IQCM: variants seen among roughly 807,000 people sequenced by gnomAD.
The protein encoded by IQCM is IQ domain-containing protein M.
In IQCM, 45 loss-of-function variants were observed where a neutral mutation model predicts 57.6. That is an observed-to-expected ratio of 0.78 (90% CI 0.62 to 1.00). IQCM has a LOEUF of 1.00. Ranked by LOEUF, IQCM falls within the 50% of genes least tolerant of loss-of-function variation. The pLI, the probability that IQCM is intolerant of heterozygous loss-of-function variation, is 0.00. For missense variants in IQCM, 468 were observed against 511.6 expected (o/e 0.91, Z 0.82); for synonymous variants, 148 against 158.9 (o/e 0.93, Z 0.51).
intron 13 of IQCM, among the ~76,000 whole-genome samples, chr4:149,378,617 A>G (rs1560787235): frequency 6.6e-6 from 1 of 152,178 alleles, no homozygotes; most frequent in Non-Finnish European, 1.5e-5. Flanking sequence ...GATATTTCTA[A>G]GCAACAAAGC....
intron 9 of IQCM, among the ~76,000 whole-genome samples, chr4:149,567,626 C>T (rs368311346): frequency 7.2e-5 from 11 of 152,020 alleles, no homozygotes; most frequent in African/African-American, 2.2e-4. Context: ...GGATTATAGG[C>T]ATGAGCCACG....
chr4:149,449,165 A>G (rs1258142965), intron 12 of IQCM, among the ~76,000 whole-genome samples: 4 of 149,384 alleles, frequency 2.7e-5, no homozygotes, highest in African/African-American at 9.8e-5. Context: ...GGCTCCACCA[A>G]CTGTTCCCCC....
chr4:149,368,796 A>G (rs1482042194), intron 13 of IQCM, among the ~76,000 whole-genome samples: 30 of 106,388 alleles, frequency 2.8e-4, no homozygotes, highest in South Asian at 5.3e-4. Flanking sequence ...ATATATATAC[A>G]TATATATACA....
intron 7 of IQCM, among the ~76,000 whole-genome samples, chr4:149,650,980 G>A (rs1759122305): frequency 6.6e-6 from 1 of 151,968 alleles, no homozygotes; most frequent in African/African-American, 2.4e-5. Flanking sequence ...TTTCTTCTTG[G>A]AAATAATCCA....
chr4:149,645,724 T>C lies in IQCM; in HGVS notation c.566-24480A>G, dbSNP rs148969016. 5.7e-3 allele frequency among the ~76,000 whole-genome samples: 650 copies of C among 114,886 alleles called. 2 individuals are homozygous for C. The highest frequency in any genetic ancestry group is 9.4e-3 in the Admixed American group (111 of 11,808). The allele number at this position is 114,886 out of a possible 152,430, so 75.4% of individuals were successfully genotyped here. A position where few individuals can be genotyped will look rare whatever the true frequency, so the allele number is the denominator to read the frequency against. ...GGGTGTAGATCCCTTGGCAAACTCATAGCCCCAGACTGACCTGGAGATTAC... is the reference window on the plus strand; with the variant it reads ...GGGTGTAGATCCCTTGGCAAACTCACAGCCCCAGACTGACCTGGAGATTAC... On this transcript the variant is annotated intron_variant, in intron 7 of 13. Coordinates refer to ENST00000636793, the MANE Select transcript of IQCM (RefSeq NM_001363507.2).
intron 2 of IQCM, among the ~76,000 whole-genome samples, chr4:149,781,783 T>G (rs1164170760): frequency 6.6e-6 from 1 of 152,144 alleles, no homozygotes; most frequent in Non-Finnish European, 1.5e-5. Flanking sequence ...GTAAGAATAT[T>G]CTATGCTTGA....
chr4:149,621,074 T>A, intron 8 of IQCM, 55 bp downstream of exon 8: 2 of 814,354 alleles, frequency 2.5e-6, no homozygotes, highest in Non-Finnish European at 3.3e-6. Flanking sequence ...ATTAATGCAA[T>A]AATTTACTGG....
chr4:149,733,383 G>T lies in IQCM; in HGVS notation c.246C>A (p.Ala82=), dbSNP rs17026378. 1.8e-3 allele frequency: 2,218 copies of T among 1,231,708 alleles called. 21 individuals are homozygous for T. The African/African-American group carries it at 0.03, about 17-fold the overall frequency. The allele number at this position is 1,231,708 out of a possible 1,614,324, so 76.3% of individuals were successfully genotyped here. ...VTRDVVQEHR[A]ALRRICFPKE... ...TGGGAAAGCAAATCCTTCTGAGTGCGGCCCGATGTTCTTGCACCACATCAC... is the reference window on the plus strand; with the variant it reads ...TGGGAAAGCAAATCCTTCTGAGTGCTGCCCGATGTTCTTGCACCACATCAC... The change falls in exon 5 of 14, where the codon GCC becomes GCA. Residue 82 remains alanine, a synonymous_variant. Coordinates refer to ENST00000636793, the MANE Select transcript of IQCM (RefSeq NM_001363507.2).
chr4:149,354,959 A>C (rs1206179222), intron 13 of IQCM, among the ~76,000 whole-genome samples: 1 of 152,132 alleles, frequency 6.6e-6, no homozygotes, highest in East Asian at 1.9e-4. Context: ...TTTCCATTCC[A>C]TACTTCTGTA....
At chr4:149,510,857 T>C (rs1744332424) in intron 12 of IQCM, among the ~76,000 whole-genome samples, 1 of 152,250 alleles carries the variant, frequency 6.6e-6, no homozygotes, top group South Asian at 2.1e-4. Flanking sequence ...CCACACAACA[T>C]CACTGATGGT....
At chr4:149,373,342 G>A (rs1730490952) in intron 13 of IQCM, among the ~76,000 whole-genome samples, 1 of 152,016 alleles carries the variant, frequency 6.6e-6, no homozygotes, top group South Asian at 2.1e-4. Context: ...AGTGTAAGTG[G>A]GGTGTCTGAA....
intron 7 of IQCM, among the ~76,000 whole-genome samples, chr4:149,630,418 C>A (rs1216085473): frequency 6.6e-6 from 1 of 152,054 alleles, no homozygotes; most frequent in Non-Finnish European, 1.5e-5. Context: ...TTACAGATAA[C>A]AGTGAAGTAT....
chr4:149,571,598 A>G (rs1199615547), intron 9 of IQCM, among the ~76,000 whole-genome samples: 2 of 152,110 alleles, frequency 1.3e-5, no homozygotes, highest in Non-Finnish European at 2.9e-5. Context: ...TTAACAATAT[A>G]TTGTATTCTT....
chr4:149,675,624 G>A (rs1228033683), intron 7 of IQCM, among the ~76,000 whole-genome samples: 1 of 151,950 alleles, frequency 6.6e-6, no homozygotes, highest in Non-Finnish European at 1.5e-5. Context: ...ATATAGAGTG[G>A]GGTTTTAGTG....
At chr4:149,784,387 C>G (rs1055769576) in intron 2 of IQCM, among the ~76,000 whole-genome samples, 2 of 152,174 alleles carry the variant, frequency 1.3e-5, no homozygotes, top group Non-Finnish European at 2.9e-5. Flanking sequence ...TTCTTTAGAT[C>G]CTTAGTCAAA....
At chr4:149,551,007 C>G (rs535645253) in intron 11 of IQCM, among the ~76,000 whole-genome samples, 2 of 152,168 alleles carry the variant, frequency 1.3e-5, no homozygotes, top group African/African-American at 4.8e-5. Flanking sequence ...GTGATGTCTG[C>G]GACACAAGTT....
At chr4:149,432,791 T>C (rs1398991104) in intron 13 of IQCM, among the ~76,000 whole-genome samples, 1 of 151,954 alleles carries the variant, frequency 6.6e-6, no homozygotes, top group Non-Finnish European at 1.5e-5. Flanking sequence ...TAATAAACAT[T>C]AATAAATAAT....
intron 1 of IQCM, 112 bp from the exon 2 acceptor site, chr4:149,815,460 A>C (rs1774972178): frequency 6.6e-6 from 1 of 152,044 alleles, no homozygotes; most frequent in African/African-American, 2.4e-5. Flanking sequence ...ACATAATTTT[A>C]TCAAATCCTA....
intron 8 of IQCM, among the ~76,000 whole-genome samples, chr4:149,597,245 TA>T (rs920844380): frequency 2.6e-5 from 4 of 151,816 alleles, no homozygotes; most frequent in Admixed American, 6.6e-5. Flanking sequence ...CTATGAGGGA[TA>T]AAAAAACACC....
Sources: gnomAD v4.1 joint callset for allele counts (sites outside exome capture counted in the v4.1 genomes callset) on GRCh38, gnomAD v4.1.1 for gene constraint, MANE v1.5 for transcripts, NCBI Gene and HGNC (gene_info 2026-07-23, HGNC 2026-07-21) for gene names.